KCNN2: variants seen among roughly 807,000 people sequenced by gnomAD.
KCNN2 encodes small conductance calcium-activated potassium channel protein 2.
Under a neutral mutation model 55.5 loss-of-function variants are expected in KCNN2, and 24 were observed. The ratio of observed to expected loss-of-function variants is 0.43; its 90% CI spans 0.31 to 0.61. KCNN2 has a LOEUF of 0.61. Ranked by LOEUF, KCNN2 falls within the 20% of genes least tolerant of loss-of-function variation. The pLI is 0.08. For missense variants in KCNN2, 754 were observed against 853.6 expected (o/e 0.88, Z 1.45); for synonymous variants, 431 against 336.1 (o/e 1.28, Z -3.09).
intron 1 of KCNN2, among the ~76,000 whole-genome samples, chr5:114,079,823 A>ACG (rs1554067211): frequency 1.7e-3 from 247 of 147,458 alleles, no homozygotes; most frequent in African/African-American, 6.1e-3. Context: ...GATACTTAAT[A>ACG]TGTGTGTGTG....
intron 2 of KCNN2, among the ~76,000 whole-genome samples, chr5:114,224,066 CTT>C (rs1754195451): frequency 1.3e-5 from 2 of 152,132 alleles, no homozygotes; most frequent in South Asian, 4.1e-4. Context: ...GGAAAGTATT[CTT>C]TCTCTCTCTT....
intron 1 of KCNN2, among the ~76,000 whole-genome samples, chr5:114,090,459 C>T (rs547136074): frequency 3.1e-4 from 47 of 152,096 alleles, no homozygotes; most frequent in Admixed American, 2.4e-3. Flanking sequence ...AAAATATTCA[C>T]AGGTTTATGT....
intron 1 of KCNN2, among the ~76,000 whole-genome samples, chr5:114,089,017 G>C (rs1751080822): frequency 1.3e-5 from 2 of 152,106 alleles, no homozygotes; most frequent in South Asian, 4.1e-4. Context: ...ATTTATAATA[G>C]ATGCTTTAAA....
intron 1 of KCNN2, among the ~76,000 whole-genome samples, chr5:114,165,801 G>T (rs926291734): frequency 6.6e-6 from 1 of 152,080 alleles, no homozygotes. Context: ...TATGGCATTG[G>T]TACGCCTTCT....
At chr5:114,454,854 T>C (rs771344302) in intron 3 of KCNN2, among the ~76,000 whole-genome samples, 1 of 152,232 alleles carries the variant, frequency 6.6e-6, no homozygotes, top group East Asian at 1.9e-4. Context: ...TTTCTCCAAG[T>C]TGTGACACTT....
intron 1 of KCNN2, among the ~76,000 whole-genome samples, chr5:114,154,783 A>G (rs1752596530): frequency 6.6e-6 from 1 of 152,128 alleles, no homozygotes. Context: ...TGATTGTCAT[A>G]GAATTTCTTT....
intron 3 of KCNN2, among the ~76,000 whole-genome samples, chr5:114,462,467 T>C (rs1234136218): frequency 6.6e-5 from 10 of 152,180 alleles, no homozygotes; most frequent in South Asian, 4.1e-4. Context: ...TCCAGGTAGA[T>C]TGACCTATTA....
At chr5:114,132,947 A>G (rs982727607) in intron 1 of KCNN2, among the ~76,000 whole-genome samples, 1 of 152,228 alleles carries the variant, frequency 6.6e-6, no homozygotes, top group African/African-American at 2.4e-5. Context: ...CTGATGATGT[A>G]TTAACAGGGA....
At chr5:114,273,313 C>A (rs149575491) in intron 2 of KCNN2, among the ~76,000 whole-genome samples, 6 of 152,076 alleles carry the variant, frequency 3.9e-5, no homozygotes, top group African/African-American at 7.2e-5. Flanking sequence ...TCTTTGCTAT[C>A]GTGACTAATG....
At chr5:114,204,449 C>A (rs1753731031) in intron 1 of KCNN2, among the ~76,000 whole-genome samples, 2 of 152,134 alleles carry the variant, frequency 1.3e-5, no homozygotes, top group African/African-American at 4.8e-5. Context: ...AGTGACTTGT[C>A]CAGAATCAGA....
Position 114,122,975 on chromosome 5 carries a change from T to C in KCNN2, c.-271+66475T>C, listed in dbSNP as rs75177072. 4.2e-3 allele frequency among the ~76,000 whole-genome samples: 646 copies of C among 152,344 alleles called. 4 individuals carry two copies. Among genetic ancestry groups the C allele is most frequent in the African/African-American group, 0.015 (628 of 41,588 alleles). On this transcript the variant is annotated intron_variant, in intron 1 of 10. Transcript: ENST00000512097. Reference sequence around the variant, plus strand: ...CAGAGATTTAGCATTTTCTGTAATGTAACCAGGAGGTTTTGGAGAATGACA... The same window carrying C: ...CAGAGATTTAGCATTTTCTGTAATGCAACCAGGAGGTTTTGGAGAATGACA...
intron 3 of KCNN2, among the ~76,000 whole-genome samples, chr5:114,422,415 G>A (rs1759497938): frequency 6.6e-6 from 1 of 152,146 alleles, no homozygotes; most frequent in African/African-American, 2.4e-5. Context: ...TGTGAACCAT[G>A]AAATGGGCCC....
intron 6 of KCNN2, among the ~76,000 whole-genome samples, chr5:114,491,222 A>G (rs1023158492): frequency 2.0e-5 from 3 of 152,138 alleles, no homozygotes; most frequent in Admixed American, 1.3e-4. Flanking sequence ...AGCCTGACTT[A>G]CAGAATTCAG....
chr5:114,398,105 G>T (rs1307413706), intron 2 of KCNN2, among the ~76,000 whole-genome samples: 1 of 151,964 alleles, frequency 6.6e-6, no homozygotes, highest in East Asian at 1.9e-4. Context: ...TCTTTTCTAG[G>T]TCGTATGTCC....
chr5:114,325,639 C>A (rs1290892689), intron 2 of KCNN2, among the ~76,000 whole-genome samples: 1 of 152,180 alleles, frequency 6.6e-6, no homozygotes, highest in African/African-American at 2.4e-5. Flanking sequence ...TTGGAAAGAC[C>A]TGTGGACAAG....
At chr5:114,123,519 C>T (rs1215823208) in intron 1 of KCNN2, among the ~76,000 whole-genome samples, 2 of 119,734 alleles carry the variant, frequency 1.7e-5, no homozygotes, top group African/African-American at 7.5e-5. Flanking sequence ...CCCGCCACCA[C>T]GCCCGGCTAA....
rs548044882 is a variant in KCNN2, at chr5:114,087,728, A to C, written c.-271+31228A>C. On this transcript the variant is annotated intron_variant, in intron 1 of 10. Transcript: ENST00000512097. ...TGACTTCATTTGGATTAATTGAGTA[A>C]ATTTAGTATTCCATTGTGTCTTCTC... Among the ~76,000 whole-genome samples the C allele has an allele frequency of 7.9e-5, 12 of 151,832 alleles. No homozygotes were observed. The South Asian group carries it at 2.5e-3, about 32-fold the overall frequency.
chr5:114,143,152 G>A (rs1356135959), intron 1 of KCNN2, among the ~76,000 whole-genome samples: 1 of 152,070 alleles, frequency 6.6e-6, no homozygotes, highest in African/African-American at 2.4e-5. Context: ...TGAGGGTGGG[G>A]GTAGATTAGT....
intron 1 of KCNN2, among the ~76,000 whole-genome samples, chr5:114,105,783 T>C (rs1469697279): frequency 1.3e-5 from 2 of 152,078 alleles, no homozygotes; most frequent in Non-Finnish European, 2.9e-5. Context: ...TGGACTGTGG[T>C]AAGTCCTCAG....
Sources: gnomAD v4.1 joint callset for allele counts (sites outside exome capture counted in the v4.1 genomes callset) on GRCh38, gnomAD v4.1.1 for gene constraint, MANE v1.5 for transcripts, NCBI Gene and HGNC (gene_info 2026-07-23, HGNC 2026-07-21) for gene names.